The following NLRP7 variants were observed in gnomAD, a reference collection of about 807,000 sequenced individuals.
The protein encoded by NLRP7 is NACHT, LRR and PYD domains-containing protein 7.
NLRP7 carries 72 observed loss-of-function variants against 85.5 expected under a neutral mutation model. The observed-to-expected ratio is 0.84, with a 90% CI of 0.70 to 1.02. NLRP7 has a LOEUF of 1.02. Ranked by LOEUF, NLRP7 falls within the 50% of genes least tolerant of loss-of-function variation. The pLI, the probability that NLRP7 is intolerant of heterozygous loss-of-function variation, is 0.00. For missense variants in NLRP7, 1,243 were observed against 1,219.5 expected, an observed-to-expected ratio of 1.02 and a Z score of -0.29; for synonymous variants, 550 against 505.2, an observed-to-expected ratio of 1.09 and a Z score of -1.19.
Position 54,938,097 on chromosome 19 carries a change from C to G in NLRP7, c.2076G>C (p.Val692=). 1.9e-6 allele frequency: 3 copies of G among 1,614,064 alleles called. No individual in the cohort carries two copies. In the East Asian group the frequency reaches 6.7e-5, roughly 36 times the overall value. ...GGGTTACGTGGTCACAAAGAATCCG[C>G]ACAGAAGAGTCACTCAGGAAGCTTT... Residue 692 remains valine (V), a synonymous_variant, in exon 5 of 10, where the codon GTG becomes GTC. Transcript: ENST00000340844.
At chr19:54,936,233 T>C (rs2068918754) in intron 6 of NLRP7, 28 bp downstream of exon 6, 1 of 1,605,786 alleles carries the variant, frequency 6.2e-7, no homozygotes, top group Non-Finnish European at 8.5e-7. Context: ...CTCCAGGTGC[T>C]GGGGAGAGCC....
chr19:54,940,966 C>T, exon 3 of NLRP7: 1 of 1,613,024 alleles, frequency 6.2e-7, no homozygotes, highest in East Asian at 2.2e-5. Flanking sequence ...TTCTGCATCT[C>T]CCAGCTCAGG....
intron 1 of NLRP7, among the ~76,000 whole-genome samples, chr19:54,953,593 CG>C (rs981955002): frequency 2.7e-5 from 4 of 149,134 alleles, no homozygotes; most frequent in African/African-American, 7.7e-5. Context: ...TCCTGGGGCG[CG>C]GGGCTGTCTG....
intron 1 of NLRP7, among the ~76,000 whole-genome samples, chr19:54,959,207 C>T (rs2069954905): frequency 1.3e-5 from 2 of 149,674 alleles, no homozygotes; most frequent in South Asian, 2.1e-4. Context: ...GGCACAATCT[C>T]GGCTCACTGC....
intron 1 of NLRP7, among the ~76,000 whole-genome samples, chr19:54,946,497 CTTTT>C (rs35052489): frequency 1.6e-3 from 219 of 140,724 alleles, no homozygotes; most frequent in African/African-American, 5.4e-3. Context: ...GCCCAGCCTA[CTTTT>C]TTTTTTTTTT....
intron 1 of NLRP7, among the ~76,000 whole-genome samples, chr19:54,944,383 G>C (rs1289458026): frequency 1.3e-5 from 2 of 151,974 alleles, no homozygotes; most frequent in African/African-American, 4.8e-5. Flanking sequence ...TCAAGGCACA[G>C]CACATTTCCT....
chr19:54,962,800 C>T (rs977080128), intron 1 of NLRP7, among the ~76,000 whole-genome samples: 76 of 150,312 alleles, frequency 5.1e-4, no homozygotes, highest in Middle Eastern at 3.4e-3. Context: ...GGGGTTTCAC[C>T]GTGTTAGCCA....
At chr19:54,932,262 C>T (rs34364636) in intron 8 of NLRP7, among the ~76,000 whole-genome samples, 45,635 of 151,614 alleles carry the variant, frequency 0.3, 7,179 homozygotes, top group East Asian at 0.41. Flanking sequence ...ACCTCATCTC[C>T]ACTAAAAGTG....
intron 9 of NLRP7, among the ~76,000 whole-genome samples, chr19:54,926,019 CA>C (rs1230703620): frequency 4.9e-5 from 7 of 142,306 alleles, no homozygotes; most frequent in Admixed American, 4.2e-4. Context: ...AAGACAGATT[CA>C]AAAAAAAAGA....
At chr19:54,943,251 A>G (rs550535574) in intron 1 of NLRP7, among the ~76,000 whole-genome samples, 6 of 152,120 alleles carry the variant, frequency 3.9e-5, no homozygotes, top group African/African-American at 1.4e-4. Context: ...TGGAGGTTGC[A>G]GTGAGCCAGC....
intron 9 of NLRP7, among the ~76,000 whole-genome samples, chr19:54,929,585 C>T (rs1190162188): frequency 6.6e-6 from 1 of 152,032 alleles, no homozygotes; most frequent in Non-Finnish European, 1.5e-5. Flanking sequence ...GGGGTGGTAT[C>T]CCACCTATGG....
chr19:54,929,503 C>T (rs1271362732), intron 9 of NLRP7, among the ~76,000 whole-genome samples: 1 of 152,158 alleles, frequency 6.6e-6, no homozygotes, highest in East Asian at 1.9e-4. Context: ...CCAAGAGATG[C>T]AACTGACAAA....
At chr19:54,964,095 G>T (rs547634405) in intron 1 of NLRP7, among the ~76,000 whole-genome samples, 1 of 150,544 alleles carries the variant, frequency 6.6e-6, no homozygotes, top group Non-Finnish European at 1.5e-5. Context: ...TGGCCAGGCT[G>T]GTCTTGAAGT....
chr19:54,930,798 C>A (rs918254227), intron 8 of NLRP7, 132 bp from the exon 9 acceptor site: 1 of 764,004 alleles, frequency 1.3e-6, no homozygotes, highest in Non-Finnish European at 2.3e-6. Flanking sequence ...TCACTGCAAC[C>A]TCTGCCTCCC....
rs746150420 is a variant in NLRP7 at position 54,940,288 on chromosome 19, G to A, written c.531C>T (p.His177=). 3.3e-5 allele frequency: 53 copies of A among 1,614,132 alleles called. No individual in the cohort carries two copies. In the East Asian group the frequency reaches 5.8e-4, roughly 18 times the overall value. ...TGGTTTTCCCCACGCCTGCGGGGCCGTGCAGCACCACCGTGTAAGGTGTTA... is the reference window on the plus strand; with the variant it reads ...TGGTTTTCCCCACGCCTGCGGGGCCATGCAGCACCACCGTGTAAGGTGTTA... Residue 177 remains histidine (H), a synonymous_variant, in exon 4 of 10, where the codon CAC becomes CAT. Transcript: ENST00000340844.
chr19:54,947,867 T>G (rs2069543228), upstream of NLRP7: 1 of 235,734 alleles, frequency 4.2e-6, no homozygotes. Flanking sequence ...AGAAAAAAAA[T>G]TAAACAAAAA....
chr19:54,958,745 G>A (rs546653516), intron 1 of NLRP7, among the ~76,000 whole-genome samples: 11 of 151,442 alleles, frequency 7.3e-5, no homozygotes, highest in South Asian at 4.2e-4. Context: ...CTCAGACACC[G>A]AGTTGTAGAA....
chr19:54,950,518 G>T (rs1230645135), upstream of NLRP7, among the ~76,000 whole-genome samples: 4 of 152,160 alleles, frequency 2.6e-5, no homozygotes, highest in Non-Finnish European at 2.9e-5. Flanking sequence ...TAATAGTGGA[G>T]GGAAGGTCAG....
Position 54,924,004 on chromosome 19 carries a change from G to A in NLRP7, c.2811-132C>T, listed in dbSNP as rs2068330550. The stretch of plus-strand genomic sequence containing the variant: ...TTTCTGGGGGACAGGGTCTTGCTCT[G>A]TTGCCCAGGCTGGGGTACAGTGGTG... On this transcript the variant is annotated intron_variant, in intron 9 of 9. Coordinates refer to ENST00000340844, the Ensembl canonical transcript of NLRP7. 4.1e-6 allele frequency: 4 copies of A among 977,538 alleles called. No individual in the cohort carries two copies. The East Asian group carries it at 1.0e-4, about 25-fold the overall frequency. The allele number at this position is 977,538 out of a possible 1,614,324, so 60.6% of individuals were successfully genotyped here. A position where few individuals can be genotyped will look rare whatever the true frequency, so the allele number is the denominator to read the frequency against.
Sources: allele counts gnomAD v4.1 joint callset (sites outside exome capture counted in the v4.1 genomes callset), GRCh38; gene constraint gnomAD v4.1.1; transcripts MANE v1.5; gene names NCBI Gene and HGNC (gene_info 2026-07-23, HGNC 2026-07-21).